Variants in MEIOC observed in about 807,000 individuals in gnomAD.
MEIOC encodes the protein meiosis specific with coiled-coil domain.
Under a neutral mutation model 85.3 loss-of-function variants are expected in MEIOC, and 9 were observed. The observed-to-expected ratio is 0.11, with a 90% CI of 0.06 to 0.18. MEIOC has a LOEUF of 0.18. Among genes scored for constraint, MEIOC ranks in the 10% least tolerant of loss-of-function variants. The pLI is 1.00. For missense variants in MEIOC, 898 were observed against 1,129.4 expected (o/e 0.80, Z 2.94); for synonymous variants, 365 against 393.7 (o/e 0.93, Z 0.86).
rs16970928 is a variant in MEIOC at position 44,674,660 on chromosome 17, A to G, written c.*464A>G. 1.8e-3 allele frequency: 1,776 copies of G among 987,266 alleles called. 26 individuals carry two copies. The African/African-American group carries it at 0.029, about 16-fold the overall frequency. 61.2% of individuals were successfully genotyped at this position (987,266 alleles called of 1,614,324 possible). A position where few individuals can be genotyped will look rare whatever the true frequency, so the allele number is the denominator to read the frequency against. On this transcript the variant is annotated 3_prime_UTR_variant, in exon 8 of 8. Transcript: ENST00000409122. ...TGTGATATCAAAGTGTTTTCCTTAC[A>G]AAACTGGATAATACCTGGGAAACAA...
chr17:44,667,912 T>C lies in MEIOC; in HGVS notation c.2001T>C (p.Asn667=). The change falls in exon 5 of 8, where the codon AAT becomes AAC. Residue 667 remains asparagine, a synonymous_variant. Transcript: ENST00000409122. ...GCACACAAGTGTCATGCTTTTCTAA[T>C]AATTATATGATGGGAGATTTAAGGC... ...VNRTQVSCFS[N]NYMMGDLRHN... is the part of the protein sequence containing the mutation. 1 of 1,613,924 alleles carries C rather than the reference T, an allele frequency of 6.2e-7. No individual in the cohort carries two copies. The highest frequency in any genetic ancestry group is 8.5e-7 in the Non-Finnish European group (1 of 1,179,846).
chr17:44,673,530 A>G lies in MEIOC; in HGVS notation c.2622A>G (p.Arg874=). The G allele has an allele frequency of 1.3e-6, 2 of 1,547,282 alleles. No homozygotes were observed. Among genetic ancestry groups the G allele is most frequent in the Non-Finnish European group, 1.7e-6 (2 of 1,145,682 alleles). ...ASNRQRQGVP[R]CQDDRDVFAL... is the part of the protein sequence containing the mutation. ...ATCGGCAAAGGCAAGGAGTTCCTAGATGCCAAGATGACAGAGGTACAAATA... is the reference window on the plus strand; with the variant it reads ...ATCGGCAAAGGCAAGGAGTTCCTAGGTGCCAAGATGACAGAGGTACAAATA... Residue 874 remains arginine, a synonymous_variant, in exon 7 of 8, where the codon AGA becomes AGG. Coordinates refer to ENST00000409122, the MANE Select transcript of MEIOC (RefSeq NM_001145080.3).
Position 44,669,370 on chromosome 17 carries a change from T to C in MEIOC, c.2323-13T>C. On this transcript the variant is annotated splice_polypyrimidine_tract_variant and intron_variant, in intron 5 of 7. Transcript: ENST00000409122. ...GAAAATTCTACATCTAAAAAGTATG[T>C]AATTTTTTACAGACTGAATTAGCCC... The C allele has an allele frequency of 1.9e-6, 3 of 1,550,462 alleles. No homozygotes were observed. Among genetic ancestry groups the C allele is most frequent in the Non-Finnish European group, 2.6e-6 (3 of 1,145,950 alleles).
chr17:44,662,629 G>C (rs1223435312), intron 3 of MEIOC, among the ~76,000 whole-genome samples, 158 bp downstream of exon 3: 2 of 152,102 alleles, frequency 1.3e-5, no homozygotes, highest in Non-Finnish European at 2.9e-5. Flanking sequence ...GCAGTTATTT[G>C]TGTATAGTTT....
intron 6 of MEIOC, among the ~76,000 whole-genome samples, chr17:44,671,414 G>A (rs1598729945): frequency 6.6e-6 from 1 of 151,948 alleles, no homozygotes; most frequent in African/African-American, 2.4e-5. Context: ...GCTGGGCATG[G>A]TGGCATGTGC....
chr17:44,660,974 T>C lies in MEIOC; in HGVS notation c.205-1343T>C, dbSNP rs116656200. On this transcript the variant is annotated intron_variant, in intron 2 of 7. Coordinates refer to ENST00000409122, the MANE Select transcript of MEIOC (RefSeq NM_001145080.3). ...CTTAACACCCAAAGTTTTTGTTTAC[T>C]CAGGTTCATTACAGAAGCATTCACC... Among the ~76,000 whole-genome samples, 888 of 151,910 alleles carry C rather than the reference T, an allele frequency of 5.8e-3. 10 individuals carry two copies. Among genetic ancestry groups the C allele is most frequent in the African/African-American group, 0.02 (849 of 41,470 alleles).
chr17:44,667,481 A>G lies in MEIOC; in HGVS notation c.1570A>G (p.Asn524Asp), dbSNP rs1299235805. ...SSDFPQLSSTNLTPNSNLFQK... is the reference protein window; with the variant it reads ...SSDFPQLSSTDLTPNSNLFQK... ...AGATTTCCCCCAACTATCATCCACAAACTTAACCCCAAATAGCAATTTATT... is the reference window on the plus strand; with the variant it reads ...AGATTTCCCCCAACTATCATCCACAGACTTAACCCCAAATAGCAATTTATT... Residue 524 changes from asparagine to aspartate, a missense_variant, in exon 5 of 8, where the codon AAC (asparagine) becomes GAC (aspartate). Asn to Asp is a conservative substitution (Grantham distance 23). Coordinates refer to ENST00000409122, the MANE Select transcript of MEIOC (RefSeq NM_001145080.3). The G allele has an allele frequency of 6.2e-7, 1 of 1,613,884 alleles. No homozygotes were observed. Among genetic ancestry groups the G allele is most frequent in the Non-Finnish European group, 8.5e-7 (1 of 1,179,854 alleles).
Position 44,673,503 on chromosome 17 carries a change from C to T in MEIOC, c.2595C>T (p.Ser865=). 1 of 1,550,500 alleles carries T rather than the reference C, an allele frequency of 6.4e-7. No individual in the cohort carries two copies. Among genetic ancestry groups the T allele is most frequent in the Non-Finnish European group, 8.7e-7 (1 of 1,146,696 alleles). ...SRRKDEIVNA[S]NRQRQGVPRC... ...GAAAGGATGAAATTGTTAATGCTTCCAATCGGCAAAGGCAAGGAGTTCCTA... is the reference window on the plus strand; with the variant it reads ...GAAAGGATGAAATTGTTAATGCTTCTAATCGGCAAAGGCAAGGAGTTCCTA... Residue 865 remains serine (S), a synonymous_variant, in exon 7 of 8, where the codon TCC becomes TCT. Transcript: ENST00000409122.
intron 5 of MEIOC, among the ~76,000 whole-genome samples, chr17:44,669,093 C>T (rs763208657): frequency 7.9e-5 from 12 of 151,882 alleles, no homozygotes; most frequent in Non-Finnish European, 1.2e-4. Flanking sequence ...ATCCCAGCTA[C>T]GCGGGAGGCT....
intron 3 of MEIOC, 24 bp from the exon 4 acceptor site, chr17:44,665,360 C>A: frequency 7.0e-7 from 1 of 1,432,578 alleles, no homozygotes. Flanking sequence ...TATTGTATTT[C>A]AGCACGAATT....
In MEIOC at chr17:44,674,916, G is replaced by C. The variant is rs1248682242; in HGVS notation, c.*720G>C. The C allele has an allele frequency of 1.0e-6, 1 of 967,958 alleles. No individual in the cohort carries two copies. Among genetic ancestry groups the C allele is most frequent in the Non-Finnish European group, 1.2e-6 (1 of 814,228 alleles). 60.0% of individuals were successfully genotyped at this position (967,958 alleles called of 1,614,324 possible). On this transcript the variant is annotated 3_prime_UTR_variant, in exon 8 of 8. Coordinates refer to ENST00000409122, the MANE Select transcript of MEIOC (RefSeq NM_001145080.3). ...TTAAATTTTAATTATATTATCAATT[G>C]TTAAATGTTTCCAATTTTAAAGTTA...
intron 2 of MEIOC, among the ~76,000 whole-genome samples, chr17:44,662,064 G>T (rs1487100067): frequency 6.6e-6 from 1 of 152,146 alleles, no homozygotes; most frequent in Non-Finnish European, 1.5e-5. Context: ...TTGATTTAGT[G>T]CTGCAGCATT....
rs552468244 is a variant in MEIOC, at chr17:44,657,028, TGAGCCGAACAGCCGAGGTAGAACAGG to T, written c.70-98_70-73del. The T allele has an allele frequency of 5.7e-4, 779 of 1,375,960 alleles. 6 individuals are homozygous for T. In the African/African-American group the frequency reaches 0.01, roughly 18 times the overall value. 85.2% of individuals were successfully genotyped at this position (1,375,960 alleles called of 1,614,324 possible). A position where few individuals can be genotyped will look rare whatever the true frequency, so the allele number is the denominator to read the frequency against. On this transcript the variant is annotated intron_variant, in intron 1 of 7. Coordinates refer to ENST00000409122, the MANE Select transcript of MEIOC (RefSeq NM_001145080.3). ...CGTGTCCTCTGAGAGGGTTCGGAAT[TGAGCCGAACAGCCGAGGTAGAACAGG>T]TGTCGGGCCGTTTCAGCTCCGGCGT...
intron 3 of MEIOC, among the ~76,000 whole-genome samples, chr17:44,663,297 G>GATGATA (rs1971863923): frequency 6.6e-6 from 1 of 151,624 alleles, no homozygotes; most frequent in Non-Finnish European, 1.5e-5. Context: ...TGATGATGAT[G>GATGATA]ATGATGATGA....
Position 44,662,317 on chromosome 17 carries a change from A to G in MEIOC, c.205A>G (p.Ser69Gly). 6.5e-7 allele frequency: 1 copy of G among 1,536,864 alleles called. No individual in the cohort carries two copies. Among genetic ancestry groups the G allele is most frequent in the South Asian group, 1.2e-5 (1 of 81,066 alleles). The change falls in exon 3 of 8, where the codon AGT becomes GGT. Residue 69 changes from serine to glycine, a missense_variant and splice_region_variant. Transcript: ENST00000409122. ...ASFYDCYTSQ[S>G]EDNVDLRQTY... Reference sequence around the variant, plus strand: ...GATAAACATTTCTTAAAACTTTCAGAGTGAAGACAATGTAGACCTAAGGCA... The same window carrying G: ...GATAAACATTTCTTAAAACTTTCAGGGTGAAGACAATGTAGACCTAAGGCA...
At chr17:44,669,562 T>A (rs777937744) in intron 6 of MEIOC, 45 bp downstream of exon 6, 1 of 1,537,152 alleles carries the variant, frequency 6.5e-7, no homozygotes, top group African/African-American at 1.4e-5. Context: ...TTTTGTTAAA[T>A]TTTTTTTAAG....
At chr17:44,675,897 T>TC, downstream of MEIOC, 1 of 390,482 alleles carries the variant, frequency 2.6e-6, no homozygotes, top group Non-Finnish European at 3.5e-6. Context: ...TATACTAAGT[T>TC]TTAGATTTCA....
chr17:44,668,012 G>A lies in MEIOC; in HGVS notation c.2101G>A (p.Val701Ile). Residue 701 changes from valine to isoleucine, a missense_variant, in exon 5 of 8, where the codon GTT (valine) becomes ATT (isoleucine). By Grantham distance (29) the Val-to-Ile change is conservative. Coordinates refer to ENST00000409122, the MANE Select transcript of MEIOC (RefSeq NM_001145080.3). ...RSTHPFGHSV[V>I]PLLDSYDLLS... ...CACCCACCCATTTGGCCATTCAGTTGTTCCACTGTTGGATTCCTATGACTT... is the reference window on the plus strand; with the variant it reads ...CACCCACCCATTTGGCCATTCAGTTATTCCACTGTTGGATTCCTATGACTT... 1 of 1,613,660 alleles carries A rather than the reference G, an allele frequency of 6.2e-7. No individual in the cohort carries two copies. Among genetic ancestry groups the A allele is most frequent in the Non-Finnish European group, 8.5e-7 (1 of 1,179,694 alleles).
rs1254837875 is a variant in MEIOC, at chr17:44,666,887, T to C, written c.976T>C (p.Cys326Arg). 6.2e-6 allele frequency: 10 copies of C among 1,609,738 alleles called. No homozygotes were observed. The highest frequency in any genetic ancestry group is 8.5e-6 in the Non-Finnish European group (10 of 1,177,530). ...FNRYNENVDY[C>R]RYPEYVHPNK... ...TAGATACAATGAAAATGTAGATTAT[T>C]GTAGATACCCAGAGTATGTTCATCC... The change falls in exon 5 of 8, where the codon TGT (cysteine) becomes CGT (arginine). Residue 326 changes from cysteine (C) to arginine (R), a missense_variant. By Grantham distance (180) the Cys-to-Arg change is radical. Around this residue, in one of 2 missense-constraint regions of MEIOC, gnomAD observed 734 missense variants for 860.1 expected, o/e 0.85. Coordinates refer to ENST00000409122, the MANE Select transcript of MEIOC (RefSeq NM_001145080.3).
Sources: gnomAD v4.1 joint callset for allele counts (sites outside exome capture counted in the v4.1 genomes callset) on GRCh38, gnomAD v4.1.1 for gene constraint, gnomAD v4.1.1 regional missense constraint, MANE v1.5 for transcripts, NCBI Gene and HGNC (gene_info 2026-07-23, HGNC 2026-07-21) for gene names.